The following VPS13D variants were observed in gnomAD, a reference collection of about 807,000 sequenced individuals.
VPS13D encodes the protein intermembrane lipid transfer protein VPS13D.
VPS13D carries 187 observed loss-of-function variants against 461.9 expected under a neutral mutation model. The observed-to-expected ratio is 0.40, with a 90% CI of 0.36 to 0.46. The LOEUF is 0.46. Among genes scored for constraint, VPS13D ranks in the 20% least tolerant of loss-of-function variants. The pLI, the probability that VPS13D is intolerant of heterozygous loss-of-function variation, is 0.60. For missense variants in VPS13D, 4,711 were observed against 5,364.9 expected (o/e 0.88, Z 3.81); for synonymous variants, 1,951 against 1,986.3 (o/e 0.98, Z 0.47).
chr1:12,266,236 T>G (rs536185650), intron 13 of VPS13D, among the ~76,000 whole-genome samples: 80 of 152,348 alleles, frequency 5.3e-4, no homozygotes, highest in African/African-American at 1.8e-3. Flanking sequence ...TAGTTGCTAA[T>G]GGCAGGGTTT....
At position 12,276,603 on chromosome 1, in the gene VPS13D, G is replaced by T; in HGVS notation, c.3015G>T (p.Leu1005=). 7 of 1,614,178 alleles carry T rather than the reference G, an allele frequency of 4.3e-6. No individual in the cohort carries two copies. In the African/African-American group the frequency reaches 9.3e-5, roughly 22 times the overall value. Reference sequence around the variant, plus strand: ...CCCTAACTGTTCATGGTTTGCTCCTGGTGGATACCATGCAGACATATGGTG... The same window carrying T: ...CCCTAACTGTTCATGGTTTGCTCCTTGTGGATACCATGCAGACATATGGTG... ...EVSLTVHGLL[L]VDTMQTYGAD... is the part of the protein sequence containing the mutation. Residue 1005 remains leucine (L), a synonymous_variant, in exon 19 of 70, where the codon CTG becomes CTT. Transcript: ENST00000620676. This position sits in a 1 kb window ranked among gnomAD's most constrained non-coding sequence, Gnocchi z 4.5.
chr1:12,373,281 C>T (rs553884774), intron 54 of VPS13D, among the ~76,000 whole-genome samples: 40 of 151,300 alleles, frequency 2.6e-4, no homozygotes, highest in African/African-American at 3.6e-4. Context: ...CCTCCATGCC[C>T]GGCTAATTTT....
rs762989929 is a variant in VPS13D at position 12,333,333 on chromosome 1, C to T, written c.8395C>T (p.Arg2799Cys). Residue 2799 changes from arginine to cysteine, a missense_variant, in exon 38 of 70, where the codon CGT becomes TGT. Arg to Cys is a radical substitution (Grantham distance 180, BLOSUM62 -3). This residue lies in a region of VPS13D where 4,411 missense variants were observed against 4,937.8 expected (regional missense o/e 0.89). Transcript: ENST00000620676. The stretch of plus-strand genomic sequence containing the variant: ...GAAGCTAGAAGCCAAGGCCAAACCT[C>T]GTTTGGATATCAATATCACTTCTGT... ...RLKLEAKAKPRLDINITSVLI... is the reference protein window; with the variant it reads ...RLKLEAKAKPCLDINITSVLI... 3 of 1,614,146 alleles carry T rather than the reference C, an allele frequency of 1.9e-6. No individual in the cohort carries two copies. Among genetic ancestry groups the T allele is most frequent in the East Asian group, 2.2e-5 (1 of 44,886 alleles).
chr1:12,341,043 A>G (rs1643557570), intron 40 of VPS13D, among the ~76,000 whole-genome samples: 1 of 152,192 alleles, frequency 6.6e-6, no homozygotes, highest in Non-Finnish European at 1.5e-5. Context: ...TAGTCAGGTC[A>G]CCGCTCTTTA....
chr1:12,247,118 C>A (rs1200840536), intron 5 of VPS13D, among the ~76,000 whole-genome samples: 1 of 152,120 alleles, frequency 6.6e-6, no homozygotes, highest in Non-Finnish European at 1.5e-5. Context: ...TTTGTTTCTC[C>A]ATATCCTCAT....
At chr1:12,234,391 C>A in intron 2 of VPS13D, 28 bp downstream of exon 2, 2 of 1,556,408 alleles carry the variant, frequency 1.3e-6, no homozygotes, top group Non-Finnish European at 1.8e-6. Flanking sequence ...TGAGATACAG[C>A]TTTATAGGTG....
rs754593857 is a variant in VPS13D at position 12,346,272 on chromosome 1, AAAAAAC to A, written c.9022-310_9022-305del. ...GCTCTTGTGCCCCAAGTTTCTTACA[AAAAAAC>A]AAAAACAAAAACAAAAACAAAACCT... is the stretch of plus-strand genomic sequence containing the variant. On this transcript the variant is annotated intron_variant, in intron 43 of 69. Transcript: ENST00000620676. 6.0e-4 allele frequency among the ~76,000 whole-genome samples: 91 copies of A among 152,306 alleles called. 1 individual carries two copies. The highest frequency in any genetic ancestry group is 1.3e-3 in the African/African-American group (53 of 41,550).
In VPS13D at chr1:12,276,160, T is replaced by G. The variant is rs1160830503; in HGVS notation, c.2572T>G (p.Leu858Val). The change falls in exon 19 of 70, where the codon TTA (leucine) becomes GTA (valine). Residue 858 changes from leucine (L) to valine (V), a missense_variant. Physicochemically the swap from Leu to Val is conservative, Grantham distance 32. Transcript: ENST00000620676. The surrounding 1 kb of genome is among the most constrained non-coding windows in gnomAD (Gnocchi z 4.5). The stretch of plus-strand genomic sequence containing the variant: ...AGAGAAGTTCAACGTTCACCTACAG[T>G]TAGAGCGTCGATTGATTTATACTTC... ...VVEKFNVHLQ[L>V]ERRLIYTSDP... is the part of the protein sequence containing the mutation. 1 of 1,614,184 alleles carries G rather than the reference T, an allele frequency of 6.2e-7. No individual in the cohort carries two copies. Among genetic ancestry groups the G allele is most frequent in the Admixed American group, 1.7e-5 (1 of 60,022 alleles).
At chr1:12,485,520 GT>G (rs1461355304) in intron 67 of VPS13D, among the ~76,000 whole-genome samples, 1 of 152,264 alleles carries the variant, frequency 6.6e-6, no homozygotes, top group Non-Finnish European at 1.5e-5. Context: ...TTGAGTGCAT[GT>G]TTAATGTGAC....
intron 57 of VPS13D, among the ~76,000 whole-genome samples, chr1:12,382,742 A>C (rs764936692): frequency 6.6e-6 from 1 of 152,236 alleles, no homozygotes; most frequent in African/African-American, 2.4e-5. Flanking sequence ...GCATGAAATT[A>C]TCTCTTATTC....
At chr1:12,409,117 A>G (rs1292965185) in intron 63 of VPS13D, among the ~76,000 whole-genome samples, 2 of 151,978 alleles carry the variant, frequency 1.3e-5, no homozygotes, top group Non-Finnish European at 2.9e-5. Context: ...TTAATTATAC[A>G]AGAGCTGTTT....
At chr1:12,372,504 A>C (rs2101631511) in intron 54 of VPS13D, among the ~76,000 whole-genome samples, 1 of 152,280 alleles carries the variant, frequency 6.6e-6, no homozygotes, top group Admixed American at 6.5e-5. Context: ...TCATTTGTGT[A>C]TATTATTTGG....
At position 12,355,974 on chromosome 1, in the gene VPS13D, T is replaced by C; in HGVS notation, c.9755T>C (p.Met3252Thr). ...GGAACCCAAAACTATATGGTGAGAA[T>C]GCGACTCTATGACGTCAACCGTCGG... ...PPGTQNYMVR[M>T]RLYDVNRRQL... Residue 3252 changes from methionine (M) to threonine (T), a missense_variant, in exon 48 of 70, where the codon ATG (methionine) becomes ACG (threonine). Met to Thr is a moderately conservative substitution (Grantham distance 81, BLOSUM62 -1). Coordinates refer to ENST00000620676, the MANE Select transcript of VPS13D (RefSeq NM_015378.4). 6.2e-7 allele frequency: 1 copy of C among 1,613,808 alleles called. No homozygotes were observed. Among genetic ancestry groups the C allele is most frequent in the Non-Finnish European group, 8.5e-7 (1 of 1,179,824 alleles).
At position 12,304,726 on chromosome 1, in the gene VPS13D, C is replaced by T. The variant is rs1442345638; in HGVS notation, c.6437C>T (p.Pro2146Leu). ...TLSVGQESSSPEDHVCLLDCV... is the reference protein window; with the variant it reads ...TLSVGQESSSLEDHVCLLDCV... ...TCTGTTGGCCAAGAGTCCAGTAGTC[C>T]AGGTAAAAGAGGAGAAAAGCAACAT... Residue 2146 changes from proline (P) to leucine (L), a missense_variant and splice_region_variant, in exon 26 of 70, where the codon CCA (proline) becomes CTA (leucine). This residue lies in a region of VPS13D where 4,411 missense variants were observed against 4,937.8 expected (regional missense o/e 0.89). Coordinates refer to ENST00000620676, the MANE Select transcript of VPS13D (RefSeq NM_015378.4). 3 of 1,613,540 alleles carry T rather than the reference C, an allele frequency of 1.9e-6. No homozygotes were observed. Among genetic ancestry groups the T allele is most frequent in the African/African-American group, 2.7e-5 (2 of 74,842 alleles).
intron 63 of VPS13D, chr1:12,407,398 G>A (rs921033159): frequency 1.3e-5 from 2 of 152,188 alleles, no homozygotes; most frequent in Non-Finnish European, 2.9e-5. Flanking sequence ...GTTTTCGCGT[G>A]GGGAGGTAGA....
intron 30 of VPS13D, among the ~76,000 whole-genome samples, chr1:12,316,792 A>G (rs1015228552): frequency 1.9e-4 from 29 of 152,168 alleles, no homozygotes; most frequent in Non-Finnish European, 2.4e-4. Context: ...ACCAAGTTCA[A>G]CCCAGAAAAC....
intron 67 of VPS13D, among the ~76,000 whole-genome samples, chr1:12,461,846 G>C (rs1460555539): frequency 6.6e-6 from 1 of 152,194 alleles, no homozygotes; most frequent in East Asian, 1.9e-4. Context: ...GAAACGGCTT[G>C]AATTTTATAC....
At chr1:12,394,817 A>T (rs1644474225) in intron 60 of VPS13D, among the ~76,000 whole-genome samples, 1 of 152,148 alleles carries the variant, frequency 6.6e-6, no homozygotes, top group East Asian at 1.9e-4. Context: ...CAAGTAAATA[A>T]ACTATTAGAA....
At chr1:12,345,538 T>C in intron 43 of VPS13D, 29 bp downstream of exon 43, 1 of 1,593,810 alleles carries the variant, frequency 6.3e-7, no homozygotes, top group Admixed American at 1.7e-5. Context: ...GTCAGATGGT[T>C]AAGCGACTGT....
Sources: allele counts gnomAD v4.1 joint callset (sites outside exome capture counted in the v4.1 genomes callset), GRCh38; gene constraint gnomAD v4.1.1; regional missense constraint gnomAD v4.1.1; non-coding constraint Gnocchi (gnomAD v3.1); transcripts MANE v1.5; gene names NCBI Gene and HGNC (gene_info 2026-07-23, HGNC 2026-07-21).